The following RSRP1 variants were observed in gnomAD, a reference collection of about 807,000 sequenced individuals.
RSRP1 encodes the protein arginine and serine rich protein 1, also known as arginine/serine-rich protein 1.
A neutral mutation model predicts 33.0 loss-of-function variants in RSRP1; 37 were observed. The ratio of observed to expected loss-of-function variants is 1.12; its 90% confidence interval spans 0.86 to 1.48. The LOEUF (loss-of-function observed/expected upper bound fraction) is 1.48. Among genes scored for constraint, RSRP1 ranks in the 40% most tolerant of loss-of-function variants. The pLI, the probability that RSRP1 is intolerant of heterozygous loss-of-function variation, is 0.00. For missense variants in RSRP1, 402 were observed against 385.3 expected (o/e 1.04, Z -0.36); for synonymous variants, 167 against 158.7 (o/e 1.05, Z -0.40).
In RSRP1 at chr1:25,244,741, A is replaced by G. The variant is rs138134257; in HGVS notation, c.672+409T>C. On this transcript the variant is annotated intron_variant, in intron 3 of 4. Coordinates refer to ENST00000243189, the MANE Select transcript of RSRP1 (RefSeq NM_020317.5). ...GCTCTGCTGCCCAGGCTAGAGTGCA[A>G]TGGTGCCATCTTGGCTCACTGCAAC... The G allele has an allele frequency of 4.8e-4, 543 of 1,133,788 alleles. 3 individuals are homozygous for G. Among genetic ancestry groups the G allele is most frequent in the South Asian group, 1.6e-3 (99 of 60,702 alleles). 70.2% of individuals were successfully genotyped at this position (1,133,788 alleles called of 1,614,324 possible).
intron 1 of RSRP1, among the ~76,000 whole-genome samples, chr1:25,256,954 G>C (rs1212567331): frequency 1.3e-5 from 2 of 152,162 alleles, no homozygotes; most frequent in African/African-American, 4.8e-5. Flanking sequence ...TTCTGGATTT[G>C]ACCTTTTGGG....
upstream of RSRP1, among the ~76,000 whole-genome samples, chr1:25,251,082 C>T (rs1192653401): frequency 6.6e-6 from 1 of 151,426 alleles, no homozygotes; most frequent in African/African-American, 2.4e-5. Flanking sequence ...AGGGAAAGAA[C>T]TCTAGGGGCT....
Position 25,315,193 on chromosome 1 carries a change from CCT to C in RSRP1, c.-67+22783_-67+22784del, listed in dbSNP as rs770042265. The stretch of plus-strand genomic sequence containing the variant: ...TTTTGCAAGGTCATGCATATGTCCC[CCT>C]GATTTTTTTCCTAAAAATCACTTAT... On this transcript the variant is annotated intron_variant, in intron 1 of 1. Coordinates refer to the RSRP1 transcript ENST00000561867. 4.8e-4 allele frequency among the ~76,000 whole-genome samples: 62 copies of C among 129,894 alleles called. 14 individuals are homozygous for C. Among genetic ancestry groups the C allele is most frequent in the East Asian group, 7.9e-4 (4 of 5,062 alleles). The allele number at this position is 129,894 out of a possible 152,430, so 85.2% of individuals were successfully genotyped here.
At position 25,246,995 on chromosome 1, in the gene RSRP1, C is replaced by G; in HGVS notation, c.-32G>C. 6.6e-7 allele frequency: 1 copy of G among 1,521,512 alleles called. No homozygotes were observed. Among genetic ancestry groups the G allele is most frequent in the South Asian group, 1.3e-5 (1 of 79,588 alleles). The allele number at this position is 1,521,512 out of a possible 1,614,324, so 94.3% of individuals were successfully genotyped here. On this transcript the variant is annotated 5_prime_UTR_variant, in exon 2 of 5. Coordinates refer to ENST00000243189, the MANE Select transcript of RSRP1 (RefSeq NM_020317.5). ...CTGCGGCTTTAGCCTGCGCTTTCTC[C>G]GGAAAGGATCCCGCAAGCCTCAACT...
rs1225444951 is a variant in RSRP1, at chr1:25,301,386, C to A, written c.-67+36592G>T. ...TCAGCTTGAGAGCTCGGAGGGGAGA[C>A]GTGACTTCCCCATCTAACTCTAAGT... On this transcript the variant is annotated intron_variant, in intron 1 of 1. Transcript: ENST00000561867. 1.2e-4 allele frequency: 106 copies of A among 876,458 alleles called. 21 individuals carry two copies. The highest frequency in any genetic ancestry group is 2.3e-4 in the Admixed American group (11 of 48,770). 54.3% of individuals were successfully genotyped at this position (876,458 alleles called of 1,614,324 possible).
intron 1 of RSRP1, among the ~76,000 whole-genome samples, chr1:25,307,457 G>C (rs1643908563): frequency 7.5e-6 from 1 of 132,602 alleles, no homozygotes; most frequent in African/African-American, 2.6e-5. Context: ...TAGATTTTTA[G>C]AGATGAACTG....
intron 1 of RSRP1, chr1:25,301,506 T>C: frequency 7.3e-7 from 1 of 1,377,334 alleles, no homozygotes; most frequent in Admixed American, 1.8e-5. Flanking sequence ...CCAACCACCC[T>C]CTCTGGCCCC....
rs904655205 is a variant in RSRP1 at position 25,291,320 on chromosome 1, T to G, written c.-66-44291A>C. Among the ~76,000 whole-genome samples, 5 of 129,234 alleles carry G rather than the reference T, an allele frequency of 3.9e-5. 1 individual carries two copies. Among genetic ancestry groups the G allele is most frequent in the African/African-American group, 1.3e-4 (5 of 37,924 alleles). 84.8% of individuals were successfully genotyped at this position (129,234 alleles called of 152,430 possible). On this transcript the variant is annotated intron_variant, in intron 1 of 1. Transcript: ENST00000561867. ...CTCATCTCTACTAAAAATACAAAATTTAGCTGGGCATGGTGGCAGGCGCCT... is the reference window on the plus strand; with the variant it reads ...CTCATCTCTACTAAAAATACAAAATGTAGCTGGGCATGGTGGCAGGCGCCT...
rs1049735713 is a variant in RSRP1, at chr1:25,242,364, A to G, written c.*225T>C. On this transcript the variant is annotated 3_prime_UTR_variant, in exon 5 of 5. Coordinates refer to ENST00000243189, the MANE Select transcript of RSRP1 (RefSeq NM_020317.5). ...GACAATATTTACAACTATATACAAAAGACTCCCACCTGTGCATAACCTTTG... is the reference window on the plus strand; with the variant it reads ...GACAATATTTACAACTATATACAAAGGACTCCCACCTGTGCATAACCTTTG... The G allele has an allele frequency of 2.9e-6, 1 of 346,542 alleles. No individual in the cohort carries two copies. The highest frequency in any genetic ancestry group is 5.3e-6 in the Non-Finnish European group (1 of 190,250). 21.5% of individuals were successfully genotyped at this position (346,542 alleles called of 1,614,324 possible).
At chr1:25,336,523 T>A (rs1228583804) in intron 1 of RSRP1, 1 of 147,242 alleles carries the variant, frequency 6.8e-6, no homozygotes, top group Non-Finnish European at 1.5e-5. Flanking sequence ...TAAGCATGTA[T>A]CTTATTAGTA....
chr1:25,244,620 T>C (rs529258379), intron 3 of RSRP1: 2 of 1,254,698 alleles, frequency 1.6e-6, no homozygotes, highest in African/African-American at 1.6e-5. Flanking sequence ...AAACTAGTAA[T>C]AGAAATCACC....
upstream of RSRP1, among the ~76,000 whole-genome samples, chr1:25,249,109 A>G (rs1382705689): frequency 1.3e-5 from 2 of 152,210 alleles, no homozygotes; most frequent in African/African-American, 4.8e-5. Flanking sequence ...AGATTGCAAC[A>G]CTGCAACCCA....
intron 1 of RSRP1, among the ~76,000 whole-genome samples, chr1:25,319,932 CTT>C (rs1343727449): frequency 1.5e-5 from 2 of 130,424 alleles, no homozygotes; most frequent in Admixed American, 7.5e-5. Flanking sequence ...CAGTTTTGCT[CTT>C]GTTGCCCAGG....
rs533867221 is a variant in RSRP1, at chr1:25,242,650, G to A, written c.812C>T (p.Ser271Phe). The A allele has an allele frequency of 3.8e-5, 62 of 1,612,390 alleles. 1 individual carries two copies. The South Asian group carries it at 6.2e-4, about 16-fold the overall frequency. Reference sequence around the variant, plus strand: ...CTGATCTATTTTTGGTGATCTTGAAGATGCCTCTTCTGTGGCAGCTTTAGC... The same window carrying A: ...CTGATCTATTTTTGGTGATCTTGAAAATGCCTCTTCTGTGGCAGCTTTAGC... ...KSAKAATEEA[S>F]SRSPKIDQKK... Residue 271 changes from serine to phenylalanine, a missense_variant, in exon 5 of 5, where the codon TCT becomes TTT. Transcript: ENST00000243189.
At chr1:25,250,734 G>A (rs1639751330), upstream of RSRP1, among the ~76,000 whole-genome samples, 1 of 152,230 alleles carries the variant, frequency 6.6e-6, no homozygotes, top group Admixed American at 6.5e-5. Context: ...GGGCGGGCCA[G>A]GCGCGGTGGC....
At chr1:25,297,703 C>T (rs1233455644) in intron 1 of RSRP1, among the ~76,000 whole-genome samples, 1 of 132,490 alleles carries the variant, frequency 7.5e-6, no homozygotes, top group Admixed American at 7.3e-5. Flanking sequence ...TCTGCCTTTT[C>T]TCTCTGCTTA....
Position 25,243,653 on chromosome 1 carries a change from G to T in RSRP1, c.673-20C>A, listed in dbSNP as rs774158536. 3.3e-5 allele frequency: 53 copies of T among 1,612,138 alleles called. 1 individual carries two copies. In the East Asian group the frequency reaches 1.2e-3, roughly 35 times the overall value. Reference sequence around the variant, plus strand: ...CGACAGCTAGACAGGTTAAGAAAAAGTGTAATTTTAAAACACATACCCTTG... The same window carrying T: ...CGACAGCTAGACAGGTTAAGAAAAATTGTAATTTTAAAACACATACCCTTG... On this transcript the variant is annotated intron_variant, in intron 3 of 4. Coordinates refer to ENST00000243189, the MANE Select transcript of RSRP1 (RefSeq NM_020317.5).
intron 1 of RSRP1, among the ~76,000 whole-genome samples, chr1:25,306,151 A>T (rs1461009421): frequency 7.6e-6 from 1 of 131,050 alleles, no homozygotes; most frequent in African/African-American, 2.6e-5. Flanking sequence ...GACATCTTAC[A>T]ATGTCTGGAG....
chr1:25,243,931 G>C, intron 3 of RSRP1: 1 of 1,172,550 alleles, frequency 8.5e-7, no homozygotes, highest in Non-Finnish European at 1.1e-6. Context: ...AGCCACATCA[G>C]AAAATACGTT....
Sources: gnomAD v4.1 joint callset for allele counts (sites outside exome capture counted in the v4.1 genomes callset) on GRCh38, gnomAD v4.1.1 for gene constraint, MANE v1.5 for transcripts, NCBI Gene and HGNC (gene_info 2026-07-23, HGNC 2026-07-21) for gene names.